The following GPR21 variants were observed in gnomAD, a reference collection of about 807,000 sequenced individuals.
GPR21 encodes the protein G protein-coupled receptor 21.
In GPR21, 9 loss-of-function variants were observed where a neutral mutation model predicts 21.5. The observed-to-expected ratio is 0.42, with a 90% CI of 0.25 to 0.73. The LOEUF is 0.73. Among genes scored for constraint, GPR21 ranks in the 30% least tolerant of loss-of-function variants. The probability of loss-of-function intolerance (pLI) is 0.27; values close to 1 mark genes in which losing one functional copy is unlikely to be tolerated. For synonymous variants in GPR21, 169 were observed against 159.3 expected, an observed-to-expected ratio of 1.06 and a Z score of -0.46; for missense variants, 416 against 428.9, an observed-to-expected ratio of 0.97 and a Z score of 0.27.
chr9:123,047,999 C>T, the GPR21 span, among the ~76,000 whole-genome samples: 4 of 123,094 alleles, frequency 3.2e-5, no homozygotes, highest in East Asian at 2.4e-4. Context: ...AGTGCAATGG[C>T]GCGATCTCGG....
the GPR21 span, among the ~76,000 whole-genome samples, chr9:123,049,099 A>G: frequency 6.6e-6 from 1 of 152,222 alleles, no homozygotes; most frequent in East Asian, 1.9e-4. Context: ...ATCTTTTCTG[A>G]GGAAGTCATC....
the GPR21 span, among the ~76,000 whole-genome samples, chr9:123,045,733 T>G: frequency 1.3e-5 from 2 of 152,100 alleles, no homozygotes; most frequent in Admixed American, 6.5e-5. Flanking sequence ...CTTGGATCAT[T>G]TTTTTCCTCT....
downstream of GPR21, among the ~76,000 whole-genome samples, chr9:123,037,351 G>C (rs992327507): frequency 6.6e-6 from 1 of 152,124 alleles, no homozygotes; most frequent in African/African-American, 2.4e-5. Flanking sequence ...TCAAACTTCA[G>C]ATTCTGGGTT....
the GPR21 span, among the ~76,000 whole-genome samples, chr9:123,045,270 G>A: frequency 1.3e-5 from 2 of 152,128 alleles, no homozygotes; most frequent in African/African-American, 4.8e-5. Flanking sequence ...AAAAACGGAG[G>A]AAACCTCAAC....
the GPR21 span, among the ~76,000 whole-genome samples, chr9:123,041,748 A>G: frequency 6.6e-6 from 1 of 152,206 alleles, no homozygotes; most frequent in Non-Finnish European, 1.5e-5. Flanking sequence ...GAGGAAGAGG[A>G]GCAAAAAGAA....
downstream of GPR21, among the ~76,000 whole-genome samples, chr9:123,038,281 T>C (rs988153410): frequency 2.6e-5 from 4 of 152,222 alleles, no homozygotes; most frequent in Non-Finnish European, 4.4e-5. Flanking sequence ...GCTTTATTGC[T>C]GGATAAATTC....
chr9:123,045,596 T>C, the GPR21 span, among the ~76,000 whole-genome samples: 1 of 152,256 alleles, frequency 6.6e-6, no homozygotes, highest in Non-Finnish European at 1.5e-5. Flanking sequence ...TTAATCTGTC[T>C]GAATGTTAGA....
Position 123,034,521 on chromosome 9 carries a change from G to A in GPR21, c.-46G>A. 8.0e-7 allele frequency: 1 copy of A among 1,246,182 alleles called. No individual in the cohort carries two copies. Among genetic ancestry groups the A allele is most frequent in the Non-Finnish European group, 1.1e-6 (1 of 880,012 alleles). 77.2% of individuals were successfully genotyped at this position (1,246,182 alleles called of 1,614,324 possible). On this transcript the variant is annotated 5_prime_UTR_variant, in exon 2 of 2. Coordinates refer to ENST00000616002, the MANE Select transcript of GPR21 (RefSeq NM_005294.3). ...CAGCTGCTTCTTTGAACTGTTGGCA[G>A]CAGCCAAGCGGCAGCATGAAGTGAC...
At chr9:123,036,897 G>A (rs1478686538), downstream of GPR21, among the ~76,000 whole-genome samples, 2 of 151,746 alleles carry the variant, frequency 1.3e-5, no homozygotes, top group Admixed American at 6.6e-5. Context: ...TGAGAGTTAT[G>A]TGTGTTTGTA....
Position 123,034,519 on chromosome 9 carries a change from C to A in GPR21, c.-48C>A. 1 of 1,212,102 alleles carries A rather than the reference C, an allele frequency of 8.3e-7. No individual in the cohort carries two copies. Among genetic ancestry groups the A allele is most frequent in the Non-Finnish European group, 1.2e-6 (1 of 849,340 alleles). The allele number at this position is 1,212,102 out of a possible 1,614,324, so 75.1% of individuals were successfully genotyped here. On this transcript the variant is annotated 5_prime_UTR_variant, in exon 2 of 2. Coordinates refer to ENST00000616002, the MANE Select transcript of GPR21 (RefSeq NM_005294.3). ...AGCAGCTGCTTCTTTGAACTGTTGG[C>A]AGCAGCCAAGCGGCAGCATGAAGTG...
the GPR21 span, among the ~76,000 whole-genome samples, chr9:123,043,902 T>C: frequency 1.4e-5 from 2 of 144,244 alleles, no homozygotes; most frequent in Non-Finnish European, 3.0e-5. Context: ...ATTATTTTCT[T>C]TTTTTTTTTT....
At chr9:123,043,214 CAG>C in the GPR21 span, among the ~76,000 whole-genome samples, 3 of 152,136 alleles carry the variant, frequency 2.0e-5, no homozygotes, top group Non-Finnish European at 4.4e-5. Flanking sequence ...TAAAGAGATA[CAG>C]AATCCAGGAA....
At chr9:123,043,907 T>C in the GPR21 span, among the ~76,000 whole-genome samples, 1 of 149,300 alleles carries the variant, frequency 6.7e-6, no homozygotes, top group African/African-American at 2.5e-5. Context: ...TTTCTTTTTT[T>C]TTTTTTTTTT....
At chr9:123,048,243 G>A in the GPR21 span, among the ~76,000 whole-genome samples, 1 of 151,998 alleles carries the variant, frequency 6.6e-6, no homozygotes. Context: ...CCAATCAACT[G>A]CTGTATATTT....
rs200334416 is a variant in GPR21 at position 123,035,213 on chromosome 9, G to A, written c.647G>A (p.Arg216His). 5.8e-5 allele frequency: 94 copies of A among 1,613,922 alleles called. No homozygotes were observed. Among genetic ancestry groups the A allele is most frequent in the Admixed American group, 5.0e-5 (3 of 59,984 alleles). The change falls in exon 2 of 2, where the codon CGC (arginine) becomes CAC (histidine). Residue 216 changes from arginine to histidine, a missense_variant. Arg to His is a conservative substitution (Grantham distance 29, BLOSUM62 0). Transcript: ENST00000616002. ...TGCTTCACCTATTTCAACATCTTCC[G>A]CATCTGCCAACAGCACACAAAGGAT... Reference protein sequence around the residue: ...IVCFTYFNIFRICQQHTKDIS... With the variant: ...IVCFTYFNIFHICQQHTKDIS...
At position 123,034,736 on chromosome 9, in the gene GPR21, C is replaced by T. The variant is rs780216381; in HGVS notation, c.170C>T (p.Pro57Leu). ...IIVIFVFHCA[P>L]LLNHHTTSYF... ...GTGATTTTTGTATTTCACTGTGCAC[C>T]TTTGTTGAACCATCACACTACAAGT... is the stretch of plus-strand genomic sequence containing the variant. The change falls in exon 2 of 2, where the codon CCT (proline) becomes CTT (leucine). Residue 57 changes from proline to leucine, a missense_variant. Coordinates refer to ENST00000616002, the MANE Select transcript of GPR21 (RefSeq NM_005294.3). 6.2e-7 allele frequency: 1 copy of T among 1,613,760 alleles called. No homozygotes were observed. Among genetic ancestry groups the T allele is most frequent in the South Asian group, 1.1e-5 (1 of 91,084 alleles).
In GPR21 at chr9:123,034,842, C is replaced by T. The variant is rs751966743; in HGVS notation, c.276C>T (p.His92=). ...CVVPSLSLLH[H]PLPVEESLTC... ...TCCCTTCTTTATCACTCCTCCATCACCCCCTTCCAGTAGAGGAGTCCTTGA... is the reference window on the plus strand; with the variant it reads ...TCCCTTCTTTATCACTCCTCCATCATCCCCTTCCAGTAGAGGAGTCCTTGA... Residue 92 remains histidine (H), a synonymous_variant, in exon 2 of 2, where the codon CAC becomes CAT. Transcript: ENST00000616002. 3.7e-6 allele frequency: 6 copies of T among 1,613,970 alleles called. No individual in the cohort carries two copies. Among genetic ancestry groups the T allele is most frequent in the Non-Finnish European group, 5.1e-6 (6 of 1,179,886 alleles).
In GPR21 at chr9:123,034,813, G is replaced by A. The variant is rs148759411; in HGVS notation, c.247G>A (p.Val83Met). The change falls in exon 2 of 2, where the codon GTG (valine) becomes ATG (methionine). Residue 83 changes from valine (V) to methionine (M), a missense_variant. Coordinates refer to ENST00000616002, the MANE Select transcript of GPR21 (RefSeq NM_005294.3). ...TGACCTTTTTGTTGGGGTGAGCTGC[G>A]TGGTCCCTTCTTTATCACTCCTCCA... ...YADLFVGVSC[V>M]VPSLSLLHHP... 26 of 1,613,928 alleles carry A rather than the reference G, an allele frequency of 1.6e-5. No homozygotes were observed. The East Asian group carries it at 1.8e-4, about 11-fold the overall frequency.
At chr9:123,040,873 C>T in the GPR21 span, among the ~76,000 whole-genome samples, 1 of 152,044 alleles carries the variant, frequency 6.6e-6, no homozygotes, top group South Asian at 2.1e-4. Flanking sequence ...TTGGAAAGGA[C>T]CTTAGGAATC....
Sources: gnomAD v4.1 joint callset for allele counts (sites outside exome capture counted in the v4.1 genomes callset) on GRCh38, gnomAD v4.1.1 for gene constraint, MANE v1.5 for transcripts, NCBI Gene and HGNC (gene_info 2026-07-23, HGNC 2026-07-21) for gene names.